Variants in EYS observed in about 807,000 individuals in gnomAD.
EYS encodes protein eyes shut homolog.
Under a neutral mutation model 282.1 loss-of-function variants are expected in EYS, and 250 were observed. The observed-to-expected ratio is 0.89, with a 90% CI of 0.80 to 0.98. The LOEUF is 0.98. Among genes scored for constraint, EYS ranks in the 50% least tolerant of loss-of-function variants. The pLI, the probability that EYS is intolerant of heterozygous loss-of-function variation, is 0.00. For synonymous variants in EYS, 1,355 were observed against 1,282.9 expected (o/e 1.06, Z -1.20); for missense variants, 4,016 against 3,709.0 (o/e 1.08, Z -2.15).
intron 26 of EYS, among the ~76,000 whole-genome samples, chr6:64,461,216 CT>C (rs368210506): frequency 2.2e-3 from 339 of 152,238 alleles, no homozygotes; most frequent in African/African-American, 7.8e-3. Flanking sequence ...TTTAGTATGC[CT>C]TTTGGTTATC....
At chr6:64,305,953 G>A (rs182212444) in intron 30 of EYS, among the ~76,000 whole-genome samples, 254 of 152,180 alleles carry the variant, frequency 1.7e-3, no homozygotes, top group African/African-American at 5.9e-3. Context: ...ACTCAGAATG[G>A]AAGAAAAGAC....
At chr6:65,261,036 C>G (rs972239191) in intron 12 of EYS, among the ~76,000 whole-genome samples, 1 of 151,948 alleles carries the variant, frequency 6.6e-6, no homozygotes, top group Non-Finnish European at 1.5e-5. Context: ...TTTGGAGCGA[C>G]TTTACTTGGG....
At chr6:64,304,797 T>G (rs1041809381) in intron 30 of EYS, among the ~76,000 whole-genome samples, 1 of 152,126 alleles carries the variant, frequency 6.6e-6, no homozygotes, top group Admixed American at 6.5e-5. Context: ...TAAATTATAA[T>G]GGAAAGTAGA....
At chr6:64,592,649 G>A (rs963555061) in intron 25 of EYS, among the ~76,000 whole-genome samples, 1 of 152,072 alleles carries the variant, frequency 6.6e-6, no homozygotes, top group Non-Finnish European at 1.5e-5. Flanking sequence ...GATTTAGAAA[G>A]TTAAAGAATT....
Position 64,553,554 on chromosome 6 carries a change from C to G in EYS, c.5644+36669G>C, listed in dbSNP as rs926334661. Among the ~76,000 whole-genome samples, 12 of 136,334 alleles carry G rather than the reference C, an allele frequency of 8.8e-5. 3 individuals carry two copies. Among genetic ancestry groups the G allele is most frequent in the South Asian group, 5.8e-4 (2 of 3,424 alleles). 89.4% of individuals were successfully genotyped at this position (136,334 alleles called of 152,430 possible). A position where few individuals can be genotyped will look rare whatever the true frequency, so the allele number is the denominator to read the frequency against. ...CTGTGACTTTTGTTTGACCCCCCCCCCCCCATAGGCAGTTACAAGGCAAAT... is the reference window on the plus strand; with the variant it reads ...CTGTGACTTTTGTTTGACCCCCCCCGCCCCATAGGCAGTTACAAGGCAAAT... On this transcript the variant is annotated intron_variant, in intron 26 of 42. Coordinates refer to ENST00000503581, the MANE Select transcript of EYS (RefSeq NM_001142800.2).
intron 19 of EYS, among the ~76,000 whole-genome samples, chr6:64,886,216 C>T (rs567131307): frequency 6.6e-6 from 1 of 151,826 alleles, no homozygotes; most frequent in Non-Finnish European, 1.5e-5. Flanking sequence ...ATGACTTTTG[C>T]CTTTATGTTT....
intron 26 of EYS, among the ~76,000 whole-genome samples, chr6:64,531,849 C>T (rs573402563): frequency 2.0e-5 from 3 of 152,054 alleles, no homozygotes; most frequent in Admixed American, 6.6e-5. Context: ...TCTACCCATT[C>T]GAAACTCTTT....
intron 22 of EYS, among the ~76,000 whole-genome samples, chr6:64,768,843 CGTT>C (rs1562181148): frequency 1.3e-5 from 2 of 152,058 alleles, no homozygotes; most frequent in Non-Finnish European, 2.9e-5. Flanking sequence ...TCTACCCTTC[CGTT>C]ATTCATGTCT....
At chr6:65,119,727 C>T (rs952773585) in intron 12 of EYS, among the ~76,000 whole-genome samples, 1 of 149,078 alleles carries the variant, frequency 6.7e-6, no homozygotes, top group Admixed American at 6.8e-5. Context: ...AATAGCTAGG[C>T]ATGGTGGTAT....
intron 22 of EYS, among the ~76,000 whole-genome samples, chr6:64,711,764 C>G (rs1466515853): frequency 6.6e-6 from 1 of 152,212 alleles, no homozygotes; most frequent in African/African-American, 2.4e-5. Flanking sequence ...AGAACCTTTT[C>G]AGACTTGCGC....
rs141922701 is a variant in EYS at position 64,363,455 on chromosome 6, C to T, written c.6078+25235G>A. 2.3e-3 allele frequency among the ~76,000 whole-genome samples: 343 copies of T among 151,948 alleles called. 2 individuals carry two copies. Among genetic ancestry groups the T allele is most frequent in the African/African-American group, 8.0e-3 (330 of 41,486 alleles). On this transcript the variant is annotated intron_variant, in intron 29 of 42. Coordinates refer to ENST00000503581, the MANE Select transcript of EYS (RefSeq NM_001142800.2). ...AATGAATGTTTTCATGTCTTGATCA[C>T]GTTTTTCCCCTGTGCAACCTATTAA...
chr6:65,291,658 A>C (rs776730000), intron 12 of EYS, among the ~76,000 whole-genome samples: 2 of 151,596 alleles, frequency 1.3e-5, no homozygotes, highest in African/African-American at 2.4e-5. Context: ...ATGCTCCAGG[A>C]GGTCATCTCT....
chr6:64,647,249 A>G (rs992699104), intron 22 of EYS, among the ~76,000 whole-genome samples: 3 of 152,166 alleles, frequency 2.0e-5, no homozygotes, highest in Non-Finnish European at 4.4e-5. Context: ...AAGAATTTCT[A>G]AACAAAAATG....
At chr6:64,964,992 C>T (rs1770045435) in intron 14 of EYS, among the ~76,000 whole-genome samples, 1 of 151,964 alleles carries the variant, frequency 6.6e-6, no homozygotes, top group Admixed American at 6.6e-5. Flanking sequence ...GAGATCACAC[C>T]ATTGCACTCC....
At position 65,176,031 on chromosome 6, in the gene EYS, A is replaced by G. The variant is rs557998261; in HGVS notation, c.2024-118304T>C. Among the ~76,000 whole-genome samples, 11 of 151,620 alleles carry G rather than the reference A, an allele frequency of 7.3e-5. No individual in the cohort carries two copies. In the East Asian group the frequency reaches 2.2e-3, roughly 30 times the overall value. Reference sequence around the variant, plus strand: ...CATTGTGGAATAATTGCCACAATCAAGATAATTAACATTCTTCACCTCACA... The same window carrying G: ...CATTGTGGAATAATTGCCACAATCAGGATAATTAACATTCTTCACCTCACA... On this transcript the variant is annotated intron_variant, in intron 12 of 42. Coordinates refer to ENST00000503581, the MANE Select transcript of EYS (RefSeq NM_001142800.2).
chr6:64,640,764 A>G (rs1192334054), intron 22 of EYS, among the ~76,000 whole-genome samples: 2 of 152,222 alleles, frequency 1.3e-5, no homozygotes, highest in African/African-American at 4.8e-5. Flanking sequence ...GTATTAAATA[A>G]AAACATTCTT....
chr6:64,125,645 G>A (rs891152089), intron 31 of EYS, among the ~76,000 whole-genome samples: 2 of 151,776 alleles, frequency 1.3e-5, no homozygotes, highest in African/African-American at 2.4e-5. Context: ...AATTAGCCGG[G>A]CGTGGTGGTG....
At chr6:64,489,231 G>A (rs1776664457) in intron 26 of EYS, among the ~76,000 whole-genome samples, 1 of 150,706 alleles carries the variant, frequency 6.6e-6, no homozygotes, top group Non-Finnish European at 1.5e-5. Context: ...ATATATCATT[G>A]TACATAGACC....
chr6:65,681,303 GCCAACT>G (rs1768805166), intron 1 of EYS, among the ~76,000 whole-genome samples: 1 of 151,920 alleles, frequency 6.6e-6, no homozygotes, highest in Admixed American at 6.6e-5. Context: ...ACAGCTATCA[GCCAACT>G]CATTAGCATA....
Sources: gnomAD v4.1 joint callset for allele counts (sites outside exome capture counted in the v4.1 genomes callset) on GRCh38, gnomAD v4.1.1 for gene constraint, MANE v1.5 for transcripts, NCBI Gene and HGNC (gene_info 2026-07-23, HGNC 2026-07-21) for gene names.